Variants in TLK1 observed in about 807,000 individuals in gnomAD.
The protein encoded by TLK1 is tousled like kinase 1.
A neutral mutation model predicts 105.3 loss-of-function variants in TLK1; 24 were observed. That is an observed-to-expected ratio of 0.23 (90% confidence interval 0.17 to 0.32). TLK1 has a LOEUF of 0.32. Ranked by LOEUF, TLK1 falls within the 10% of genes least tolerant of loss-of-function variation. TLK1 has a pLI of 1.00. For missense variants in TLK1, 558 were observed against 910.5 expected, an observed-to-expected ratio of 0.61 and a Z score of 4.98; for synonymous variants, 321 against 310.4, an observed-to-expected ratio of 1.03 and a Z score of -0.36.
intron 1 of TLK1, among the ~76,000 whole-genome samples, chr2:171,150,946 G>A (rs771460154): frequency 6.6e-6 from 1 of 152,270 alleles, no homozygotes; most frequent in East Asian, 1.9e-4. Flanking sequence ...TGACAGAATA[G>A]TGTAACTGTT....
chr2:171,182,077 T>G (rs1692937852), intron 1 of TLK1, among the ~76,000 whole-genome samples: 1 of 152,088 alleles, frequency 6.6e-6, no homozygotes, highest in African/African-American at 2.4e-5. Context: ...CATCAGACTA[T>G]CAAAAAGGAA....
intron 1 of TLK1, among the ~76,000 whole-genome samples, chr2:171,209,268 AG>A: frequency 6.6e-6 from 1 of 152,344 alleles, no homozygotes; most frequent in South Asian, 2.1e-4. Context: ...TATATGGAAC[AG>A]GGGTGGGATG....
At chr2:171,126,624 C>T (rs1690877999) in intron 1 of TLK1, among the ~76,000 whole-genome samples, 1 of 151,948 alleles carries the variant, frequency 6.6e-6, no homozygotes, top group African/African-American at 2.4e-5. Flanking sequence ...ATACCAGTTA[C>T]CAAAAAGGTG....
chr2:171,181,862 C>G (rs1480266279), intron 1 of TLK1, among the ~76,000 whole-genome samples: 2 of 152,290 alleles, frequency 1.3e-5, no homozygotes, highest in Middle Eastern at 3.4e-3. Flanking sequence ...CCTTCTCTCT[C>G]TCCATCTCCT....
At chr2:171,078,996 C>A (rs192054904) in intron 3 of TLK1, among the ~76,000 whole-genome samples, 222 of 152,264 alleles carry the variant, frequency 1.5e-3, no homozygotes, top group African/African-American at 5.2e-3. Context: ...AAACCTGACC[C>A]CTGCCTACCT....
intron 12 of TLK1, among the ~76,000 whole-genome samples, chr2:171,027,599 A>C (rs1303784413): frequency 6.6e-6 from 1 of 152,206 alleles, no homozygotes. Context: ...ACATGCAACA[A>C]ATTAAAAGAT....
At chr2:171,108,057 C>CA (rs142426984) in intron 2 of TLK1, among the ~76,000 whole-genome samples, 40 of 107,028 alleles carry the variant, frequency 3.7e-4, no homozygotes, top group East Asian at 9.0e-4. Flanking sequence ...ACCCCTCTCT[C>CA]AAAAAAAAAA....
At chr2:171,196,279 G>A (rs1425359078) in intron 1 of TLK1, among the ~76,000 whole-genome samples, 1 of 151,962 alleles carries the variant, frequency 6.6e-6, no homozygotes, top group Non-Finnish European at 1.5e-5. Context: ...ACCATGCCCA[G>A]CACAGTTTTG....
chr2:171,080,928 C>A (rs1172324264), intron 3 of TLK1, among the ~76,000 whole-genome samples: 5 of 152,042 alleles, frequency 3.3e-5, no homozygotes, highest in African/African-American at 1.2e-4. Context: ...AGGCTGGTCT[C>A]GAACTCCTGG....
chr2:171,016,999 C>G (rs971754377), intron 12 of TLK1, among the ~76,000 whole-genome samples: 1 of 151,964 alleles, frequency 6.6e-6, no homozygotes, highest in African/African-American at 2.4e-5. Flanking sequence ...CTGAAATTTC[C>G]TCATTAACAG....
chr2:171,149,223 C>T (rs1330880421), intron 1 of TLK1, among the ~76,000 whole-genome samples: 7 of 144,466 alleles, frequency 4.8e-5, no homozygotes, highest in African/African-American at 1.5e-4. Flanking sequence ...AGGGTAGGGG[C>T]GGGCAGGGAG....
chr2:171,095,063 GA>G (rs956534634), intron 2 of TLK1, among the ~76,000 whole-genome samples: 7 of 151,924 alleles, frequency 4.6e-5, no homozygotes. Flanking sequence ...AAGGAAATTA[GA>G]AAAAAACTTT....
intron 1 of TLK1, among the ~76,000 whole-genome samples, chr2:171,200,804 T>G (rs1475913176): frequency 1.6e-4 from 25 of 152,198 alleles, no homozygotes; most frequent in Admixed American, 1.6e-3. Flanking sequence ...GATTTTAGTT[T>G]GTATTATTTT....
chr2:170,997,912 T>G (rs1329744120), intron 18 of TLK1, 89 bp from the exon 19 acceptor site: 1 of 709,458 alleles, frequency 1.4e-6, no homozygotes, highest in African/African-American at 1.8e-5. Flanking sequence ...ACACGAATTT[T>G]ATTCATATAT....
chr2:171,131,112 T>C (rs1459464723), intron 1 of TLK1, among the ~76,000 whole-genome samples: 1 of 150,698 alleles, frequency 6.6e-6, no homozygotes, highest in African/African-American at 2.5e-5. Flanking sequence ...TATATCTATA[T>C]ATAGAGAGAG....
At chr2:171,135,319 G>GTATATATATA (rs201751767) in intron 1 of TLK1, among the ~76,000 whole-genome samples, 92 of 70,300 alleles carry the variant, frequency 1.3e-3, no homozygotes, top group African/African-American at 5.1e-3. Context: ...GTGTGTGTGT[G>GTATATATATA]TATATATATA....
At chr2:171,040,059 T>C (rs548100493) in intron 11 of TLK1, among the ~76,000 whole-genome samples, 29 of 152,136 alleles carry the variant, frequency 1.9e-4, no homozygotes, top group African/African-American at 6.0e-4. Context: ...TGTCTGTGTA[T>C]AGAAGCATGC....
chr2:171,079,142 A>C (rs1156923328), intron 3 of TLK1, among the ~76,000 whole-genome samples: 1 of 152,146 alleles, frequency 6.6e-6, no homozygotes, highest in African/African-American at 2.4e-5. Flanking sequence ...CCTCTCTTAA[A>C]CCAAACGACT....
intron 11 of TLK1, among the ~76,000 whole-genome samples, chr2:171,032,398 C>A (rs895200958): frequency 2.0e-5 from 3 of 152,078 alleles, no homozygotes; most frequent in African/African-American, 7.2e-5. Context: ...TTTGGCAAAG[C>A]TGCAGGGTAT....
Sources: allele counts gnomAD v4.1 joint callset (sites outside exome capture counted in the v4.1 genomes callset), GRCh38; gene constraint gnomAD v4.1.1; transcripts MANE v1.5; gene names NCBI Gene and HGNC (gene_info 2026-07-23, HGNC 2026-07-21).